The following GALNT18 variants were observed in gnomAD, a reference collection of about 807,000 sequenced individuals.
The protein encoded by GALNT18 is GalNAc-transferase 18.
Under a neutral mutation model 69.5 loss-of-function variants are expected in GALNT18, and 44 were observed. That is an observed-to-expected ratio of 0.63 (90% CI 0.50 to 0.81). GALNT18 has a LOEUF of 0.81. Ranked by LOEUF, GALNT18 falls within the 40% of genes least tolerant of loss-of-function variation. The probability of loss-of-function intolerance (pLI) is 0.00; values close to 1 mark genes in which losing one functional copy is unlikely to be tolerated. For synonymous variants in GALNT18, 364 were observed against 318.2 expected (o/e 1.14, Z -1.53); for missense variants, 715 against 810.0 (o/e 0.88, Z 1.42).
intron 1 of GALNT18, among the ~76,000 whole-genome samples, chr11:11,533,252 G>A (rs796357253): frequency 9.9e-5 from 15 of 152,228 alleles, no homozygotes; most frequent in African/African-American, 3.1e-4. Flanking sequence ...TCATCCTCAG[G>A]GCGCCCTATT....
rs148912888 is a variant in GALNT18, at chr11:11,292,062, G to A, written c.1677+967C>T. On this transcript the variant is annotated intron_variant, in intron 10 of 10. Coordinates refer to ENST00000227756, the MANE Select transcript of GALNT18 (RefSeq NM_198516.3). ...CTCACCAGGGGAGAAGCAGCTTGCC[G>A]GGAGGCTGGAGTCAGGGACTCCTGC... Among the ~76,000 whole-genome samples, 729 of 152,172 alleles carry A rather than the reference G, an allele frequency of 4.8e-3. 1 individual carries two copies. The highest frequency in any genetic ancestry group is 8.0e-3 in the Non-Finnish European group (541 of 67,996).
Position 11,500,648 on chromosome 11 carries a change from G to A in GALNT18, c.236-51712C>T, listed in dbSNP as rs138616636. Among the ~76,000 whole-genome samples, 15 of 152,270 alleles carry A rather than the reference G, an allele frequency of 9.9e-5. No homozygotes were observed. The highest frequency in any genetic ancestry group is 2.2e-4 in the Non-Finnish European group (15 of 68,028). ...TCCAGTGCAAAATGGTGACAGTGCCGAGCTAGAGAAGCCCTTCCCATGCAC... is the reference window on the plus strand; with the variant it reads ...TCCAGTGCAAAATGGTGACAGTGCCAAGCTAGAGAAGCCCTTCCCATGCAC... On this transcript the variant is annotated intron_variant, in intron 1 of 10. Coordinates refer to ENST00000227756, the MANE Select transcript of GALNT18 (RefSeq NM_198516.3). The surrounding 1 kb of genome is among the most constrained non-coding windows in gnomAD (Gnocchi z 5.0).
chr11:11,462,220 C>A (rs1590023951), intron 1 of GALNT18, among the ~76,000 whole-genome samples: 1 of 152,042 alleles, frequency 6.6e-6, no homozygotes, highest in South Asian at 2.1e-4. Flanking sequence ...AGAGGAGGAA[C>A]TTCCTAGTCT....
chr11:11,286,128 A>T (rs904932499), intron 10 of GALNT18, among the ~76,000 whole-genome samples: 9 of 152,200 alleles, frequency 5.9e-5, no homozygotes, highest in Non-Finnish European at 1.2e-4. Flanking sequence ...CTCTAAGCTC[A>T]GCCTTGCCAA....
In GALNT18 at chr11:11,541,372, G is replaced by A. The variant is rs113973153; in HGVS notation, c.235+79987C>T. Among the ~76,000 whole-genome samples, 36 of 152,102 alleles carry A rather than the reference G, an allele frequency of 2.4e-4. 1 individual carries two copies. Among genetic ancestry groups the A allele is most frequent in the African/African-American group, 6.7e-4 (28 of 41,494 alleles). On this transcript the variant is annotated intron_variant, in intron 1 of 10. Transcript: ENST00000227756. This position sits in a 1 kb window ranked among gnomAD's most constrained non-coding sequence, Gnocchi z 4.8. ...CACCACCGTTATGATGATGATCTCC[G>A]CCTTCAGTACCTCTCCCTGGCTCTT...
intron 2 of GALNT18, among the ~76,000 whole-genome samples, chr11:11,446,678 A>G (rs1366955958): frequency 6.6e-6 from 1 of 152,052 alleles, no homozygotes; most frequent in Non-Finnish European, 1.5e-5. Flanking sequence ...ACTGCCTCTC[A>G]CCTGGAAGCC....
rs947251977 is a variant in GALNT18, at chr11:11,322,593, A to G, written c.1512+4493T>C. Among the ~76,000 whole-genome samples the G allele has an allele frequency of 2.0e-5, 3 of 152,256 alleles. No homozygotes were observed. In the South Asian group the frequency reaches 6.2e-4, roughly 32 times the overall value. ...AACTGCAAATTAAAACCACAGAGTG[A>G]TAGTACTATACACCCACTACAATGG... is the stretch of plus-strand genomic sequence containing the variant. On this transcript the variant is annotated intron_variant, in intron 9 of 10. Coordinates refer to ENST00000227756, the MANE Select transcript of GALNT18 (RefSeq NM_198516.3).
At chr11:11,393,669 T>C (rs763014311) in intron 3 of GALNT18, among the ~76,000 whole-genome samples, 1 of 152,208 alleles carries the variant, frequency 6.6e-6, no homozygotes, top group Admixed American at 6.5e-5. Flanking sequence ...AACAGCTAGC[T>C]CAGAGACATC....
At chr11:11,336,421 G>A (rs1173006899) in intron 7 of GALNT18, among the ~76,000 whole-genome samples, 1 of 152,148 alleles carries the variant, frequency 6.6e-6, no homozygotes, top group Non-Finnish European at 1.5e-5. Flanking sequence ...ACTGTGGAAG[G>A]AAAGTACAGG....
chr11:11,345,228 G>A (rs1481999722), intron 6 of GALNT18, among the ~76,000 whole-genome samples: 2 of 152,202 alleles, frequency 1.3e-5, no homozygotes, highest in African/African-American at 4.8e-5. Context: ...CATGGCATTT[G>A]GGTTCTTGGC....
chr11:11,392,376 C>G (rs548487253), intron 3 of GALNT18, among the ~76,000 whole-genome samples: 3 of 152,174 alleles, frequency 2.0e-5, no homozygotes, highest in Non-Finnish European at 4.4e-5. Context: ...TCCCAGCACT[C>G]TGGGAGGCCG....
chr11:11,467,355 A>G (rs1285055957), intron 1 of GALNT18, among the ~76,000 whole-genome samples: 1 of 152,120 alleles, frequency 6.6e-6, no homozygotes, highest in Non-Finnish European at 1.5e-5. Flanking sequence ...TGCAGCTGCC[A>G]CCCCTGCCCC....
chr11:11,508,084 T>A (rs1298131158), intron 1 of GALNT18, among the ~76,000 whole-genome samples: 2 of 152,232 alleles, frequency 1.3e-5, no homozygotes, highest in Non-Finnish European at 2.9e-5. Flanking sequence ...TAATATACAT[T>A]CCATGTTTAA....
At chr11:11,380,533 G>A (rs1007851489) in intron 3 of GALNT18, among the ~76,000 whole-genome samples, 6 of 152,166 alleles carry the variant, frequency 3.9e-5, no homozygotes, top group Admixed American at 1.3e-4. Context: ...TAGAATCTAT[G>A]CTCCTATTAA....
chr11:11,542,533 C>A lies in GALNT18; in HGVS notation c.235+78826G>T, dbSNP rs998436113. On this transcript the variant is annotated intron_variant, in intron 1 of 10. Transcript: ENST00000227756. The surrounding 1 kb of genome is among the most constrained non-coding windows in gnomAD (Gnocchi z 4.3). ...TTCACATGCAAAGAATAATTCCTACCATGTCCTTGTTCCGGAAAACAGTCA... is the reference window on the plus strand; with the variant it reads ...TTCACATGCAAAGAATAATTCCTACAATGTCCTTGTTCCGGAAAACAGTCA... Among the ~76,000 whole-genome samples, 1 of 152,306 alleles carries A rather than the reference C, an allele frequency of 6.6e-6. No homozygotes were observed. Among genetic ancestry groups the A allele is most frequent in the Non-Finnish European group, 1.5e-5 (1 of 68,030 alleles).
intron 1 of GALNT18, among the ~76,000 whole-genome samples, chr11:11,515,780 G>A (rs888641744): frequency 3.9e-5 from 6 of 152,354 alleles, no homozygotes; most frequent in South Asian, 2.1e-4. Context: ...CCAGGAGCAG[G>A]AAGAGCAAAT....
intron 9 of GALNT18, among the ~76,000 whole-genome samples, chr11:11,297,296 G>A (rs1317614626): frequency 6.6e-6 from 1 of 152,184 alleles, no homozygotes; most frequent in Admixed American, 6.5e-5. Context: ...TGCCAGACAT[G>A]AAATGACTTA....
chr11:11,330,465 C>T (rs1050801228), intron 8 of GALNT18, among the ~76,000 whole-genome samples: 2 of 152,122 alleles, frequency 1.3e-5, no homozygotes, highest in African/African-American at 4.8e-5. Flanking sequence ...CGTGTCTCTG[C>T]TTATGTAGGG....
Position 11,618,624 on chromosome 11 carries a change from C to G in GALNT18, c.235+2735G>C, listed in dbSNP as rs117931769. 0.014 allele frequency among the ~76,000 whole-genome samples: 2,167 copies of G among 152,316 alleles called. 23 individuals carry two copies. The highest frequency in any genetic ancestry group is 0.024 in the Non-Finnish European group (1,608 of 68,028). ...AAGAACTTAGACTTCTGAAGCCACA[C>G]TAGCTGAGCTTACATCCCTATACTA... is the stretch of plus-strand genomic sequence containing the variant. On this transcript the variant is annotated intron_variant, in intron 1 of 10. Coordinates refer to ENST00000227756, the MANE Select transcript of GALNT18 (RefSeq NM_198516.3). The surrounding 1 kb of genome is among the most constrained non-coding windows in gnomAD (Gnocchi z 6.1).
Sources: allele counts gnomAD v4.1 joint callset (sites outside exome capture counted in the v4.1 genomes callset), GRCh38; gene constraint gnomAD v4.1.1; non-coding constraint Gnocchi (gnomAD v3.1); transcripts MANE v1.5; gene names NCBI Gene and HGNC (gene_info 2026-07-23, HGNC 2026-07-21).